Variants in DPP10 observed in about 807,000 individuals in gnomAD.
DPP10 encodes inactive dipeptidyl peptidase 10.
DPP10 carries 33 observed loss-of-function variants against 120.9 expected under a neutral mutation model. That is an observed-to-expected ratio of 0.27 (90% CI 0.21 to 0.37). The LOEUF (loss-of-function observed/expected upper bound fraction) is 0.37, where lower values mean the gene tolerates loss of function less well. Ranked by LOEUF, DPP10 falls within the 10% of genes least tolerant of loss-of-function variation. The pLI, the probability that DPP10 is intolerant of heterozygous loss-of-function variation, is 1.00. For synonymous variants in DPP10, 337 were observed against 326.1 expected (o/e 1.03, Z -0.36); for missense variants, 816 against 942.8 (o/e 0.87, Z 1.76).
intron 1 of DPP10, among the ~76,000 whole-genome samples, chr2:114,705,523 T>C (rs1700636098): frequency 6.6e-6 from 1 of 152,154 alleles, no homozygotes; most frequent in South Asian, 2.1e-4. Context: ...TTAATTTACT[T>C]TCCTTGATCA....
chr2:115,603,171 T>G (rs1047173627), intron 5 of DPP10, among the ~76,000 whole-genome samples: 37 of 149,122 alleles, frequency 2.5e-4, no homozygotes, highest in Non-Finnish European at 4.4e-5. Flanking sequence ...TGTGTGTGTA[T>G]AGTCATCTGC....
rs145779965 is a variant in DPP10 at position 114,639,071 on chromosome 2, A to G, written c.60+196233A>G. ...TACTGCGTGTTCTCACTTATAGTGT[A>G]TATTAGTCTGTTCTCACACTGCTAA... is the stretch of plus-strand genomic sequence containing the variant. On this transcript the variant is annotated intron_variant, in intron 1 of 25. Transcript: ENST00000410059. 4.1e-4 allele frequency among the ~76,000 whole-genome samples: 62 copies of G among 152,016 alleles called. 4 individuals are homozygous for G. Among genetic ancestry groups the G allele is most frequent in the African/African-American group, 1.5e-3 (60 of 41,284 alleles).
chr2:114,690,206 A>G (rs1212880296), intron 1 of DPP10, among the ~76,000 whole-genome samples: 1 of 151,940 alleles, frequency 6.6e-6, no homozygotes. Context: ...TAGGGTTTTT[A>G]TAGTTTTGAG....
At chr2:115,121,140 T>C (rs2049804326) in intron 1 of DPP10, among the ~76,000 whole-genome samples, 1 of 152,222 alleles carries the variant, frequency 6.6e-6, no homozygotes, top group Non-Finnish European at 1.5e-5. Context: ...GAAATAGGGC[T>C]ACTAGAGGGA....
At chr2:114,523,588 AG>A (rs1284582845) in intron 1 of DPP10, among the ~76,000 whole-genome samples, 3 of 152,166 alleles carry the variant, frequency 2.0e-5, no homozygotes, top group African/African-American at 7.2e-5. Context: ...TTTCACTGAG[AG>A]AAGGAAAGAA....
At chr2:115,581,935 T>C (rs2082023692) in intron 5 of DPP10, among the ~76,000 whole-genome samples, 2 of 152,196 alleles carry the variant, frequency 1.3e-5, no homozygotes, top group Non-Finnish European at 2.9e-5. Context: ...AGCAACTCTA[T>C]TCTTGCCTTC....
chr2:114,990,440 T>G (rs903593212), intron 1 of DPP10, among the ~76,000 whole-genome samples: 1 of 152,200 alleles, frequency 6.6e-6, no homozygotes, highest in Non-Finnish European at 1.5e-5. Context: ...CAGCCATCTA[T>G]CTATTTATTT....
At chr2:114,801,292 G>C (rs1455515238) in intron 1 of DPP10, among the ~76,000 whole-genome samples, 1 of 102,198 alleles carries the variant, frequency 9.8e-6, no homozygotes, top group African/African-American at 3.7e-5. Context: ...AAAAAAGAAA[G>C]AAAGAAAGGT....
In DPP10 at chr2:115,777,232, C is replaced by A; in HGVS notation, c.1246C>A (p.Arg416=). The A allele has an allele frequency of 6.2e-7, 1 of 1,612,814 alleles. No homozygotes were observed. Among genetic ancestry groups the A allele is most frequent in the Non-Finnish European group, 8.5e-7 (1 of 1,179,204 alleles). The part of the protein sequence containing the change: ...IQSKSEQITV[R]HLTSGNWEVI... ...GAGTAAAAGTGAGCAAATTACCGTG[C>A]GGCATCTGACATCAGGAAACTGGGA... The change falls in exon 14 of 26, where the codon CGG becomes AGG. Residue 416 remains arginine (R), a synonymous_variant. Transcript: ENST00000410059.
chr2:115,092,743 A>G (rs1327474257), intron 1 of DPP10, among the ~76,000 whole-genome samples: 1 of 152,202 alleles, frequency 6.6e-6, no homozygotes, highest in Non-Finnish European at 1.5e-5. Flanking sequence ...AATTATCTTC[A>G]TAATAAAACT....
chr2:114,584,616 T>G (rs1216143560), intron 1 of DPP10, among the ~76,000 whole-genome samples: 1 of 142,562 alleles, frequency 7.0e-6, no homozygotes, highest in Non-Finnish European at 1.5e-5. Context: ...TCATTTTTCA[T>G]TTCCCACCTA....
intron 2 of DPP10, among the ~76,000 whole-genome samples, chr2:115,331,766 A>G (rs187173297): frequency 0.012 from 1,888 of 152,250 alleles, 10 homozygotes; most frequent in African/African-American, 0.019. Flanking sequence ...CATCCTAGGG[A>G]TGAAGCCCAC....
intron 3 of DPP10, chr2:115,468,959 T>C (rs1319437287): frequency 1.1e-4 from 2 of 18,692 alleles, no homozygotes; most frequent in Non-Finnish European, 2.4e-4. Flanking sequence ...CATAGATACT[T>C]TTTTTTTTTT....
intron 1 of DPP10, among the ~76,000 whole-genome samples, chr2:115,098,714 A>T (rs1233189888): frequency 1.3e-5 from 2 of 152,190 alleles, no homozygotes; most frequent in African/African-American, 2.4e-5. Context: ...GAATCCCTGG[A>T]AAAACACAAA....
At chr2:114,551,799 T>C (rs926592208) in intron 1 of DPP10, among the ~76,000 whole-genome samples, 3 of 152,252 alleles carry the variant, frequency 2.0e-5, no homozygotes, top group Admixed American at 6.5e-5. Flanking sequence ...TCCCAGTTTC[T>C]GACCTGGTTA....
chr2:115,217,220 G>A (rs547102224), intron 1 of DPP10, among the ~76,000 whole-genome samples: 50 of 152,212 alleles, frequency 3.3e-4, no homozygotes, highest in South Asian at 2.3e-3. Flanking sequence ...TGTGAACTTA[G>A]GATAATTATC....
chr2:115,146,097 A>G (rs2051210408), intron 1 of DPP10, among the ~76,000 whole-genome samples: 1 of 152,166 alleles, frequency 6.6e-6, no homozygotes, highest in Admixed American at 6.6e-5. Flanking sequence ...AGAAGAGTTA[A>G]GTACACTGCT....
chr2:115,443,907 C>T (rs753584873), intron 3 of DPP10, among the ~76,000 whole-genome samples: 2 of 152,174 alleles, frequency 1.3e-5, no homozygotes, highest in African/African-American at 4.8e-5. Flanking sequence ...TAGCAGCATT[C>T]CTGGCCTCTA....
At chr2:115,132,107 T>C (rs2050392963) in intron 1 of DPP10, among the ~76,000 whole-genome samples, 1 of 151,908 alleles carries the variant, frequency 6.6e-6, no homozygotes, top group African/African-American at 2.4e-5. Flanking sequence ...ATAATAATAA[T>C]AATTTCTGAT....
Sources: gnomAD v4.1 joint callset for allele counts (sites outside exome capture counted in the v4.1 genomes callset) on GRCh38, gnomAD v4.1.1 for gene constraint, MANE v1.5 for transcripts, NCBI Gene and HGNC (gene_info 2026-07-23, HGNC 2026-07-21) for gene names.